The following GPC5 variants were observed in gnomAD, a reference collection of about 807,000 sequenced individuals.
The protein encoded by GPC5 is glypican 5.
A neutral mutation model predicts 53.9 loss-of-function variants in GPC5; 47 were observed. The ratio of observed to expected loss-of-function variants is 0.87; its 90% CI spans 0.69 to 1.11. GPC5 has a LOEUF of 1.11. Ranked by LOEUF, GPC5 falls within the 50% of genes most tolerant of loss-of-function variation. GPC5 has a pLI of 0.00. For synonymous variants in GPC5, 286 were observed against 263.3 expected, an observed-to-expected ratio of 1.09 and a Z score of -0.84; for missense variants, 748 against 713.1, an observed-to-expected ratio of 1.05 and a Z score of -0.56.
chr13:91,402,732 A>T (rs545871213), intron 1 of GPC5, among the ~76,000 whole-genome samples: 1 of 152,284 alleles, frequency 6.6e-6, no homozygotes, highest in East Asian at 1.9e-4. Context: ...TCTTGATTTT[A>T]ACTTGATTTT....
intron 2 of GPC5, among the ~76,000 whole-genome samples, chr13:91,548,411 G>A (rs9589287): frequency 1.3e-5 from 2 of 152,086 alleles, no homozygotes; most frequent in Non-Finnish European, 2.9e-5. Context: ...AACAAAATAT[G>A]TACAGCTCTA....
chr13:92,205,127 C>G (rs1254310117), intron 7 of GPC5, among the ~76,000 whole-genome samples: 1 of 152,186 alleles, frequency 6.6e-6, no homozygotes, highest in Non-Finnish European at 1.5e-5. Context: ...ATCCGCCCAC[C>G]TCGGCCTCCC....
chr13:92,203,756 A>G (rs2139064213), intron 7 of GPC5, among the ~76,000 whole-genome samples: 1 of 30,300 alleles, frequency 3.3e-5, no homozygotes, highest in African/African-American at 1.3e-4. Context: ...ACTTACTAGG[A>G]AAAAAAAAAA....
chr13:92,254,976 C>T (rs532364929), intron 7 of GPC5, among the ~76,000 whole-genome samples: 6 of 151,966 alleles, frequency 3.9e-5, no homozygotes, highest in African/African-American at 9.7e-5. Flanking sequence ...CAAAAAAGAC[C>T]CCAAAATAAT....
At chr13:92,429,427 C>T (rs895698421) in intron 7 of GPC5, among the ~76,000 whole-genome samples, 2 of 151,670 alleles carry the variant, frequency 1.3e-5, no homozygotes, top group South Asian at 2.1e-4. Context: ...ACTTAATATA[C>T]TAATTTAAAA....
intron 7 of GPC5, among the ~76,000 whole-genome samples, chr13:92,218,136 C>T (rs1045895237): frequency 2.6e-5 from 4 of 151,832 alleles, no homozygotes; most frequent in Non-Finnish European, 5.9e-5. Context: ...CTATGTTGCC[C>T]AGGTTGGTCT....
intron 7 of GPC5, among the ~76,000 whole-genome samples, chr13:92,498,412 G>A (rs984855133): frequency 3.9e-5 from 6 of 152,218 alleles, no homozygotes; most frequent in Non-Finnish European, 8.8e-5. Flanking sequence ...TCATATACCA[G>A]TTAAATGCTG....
chr13:92,838,061 A>G (rs1878278447), intron 7 of GPC5, among the ~76,000 whole-genome samples: 1 of 149,290 alleles, frequency 6.7e-6, no homozygotes, highest in South Asian at 2.1e-4. Flanking sequence ...CTGGGCAACA[A>G]GAGCAAAACT....
intron 7 of GPC5, among the ~76,000 whole-genome samples, chr13:92,540,183 T>A (rs947193638): frequency 6.6e-6 from 1 of 151,996 alleles, no homozygotes; most frequent in African/African-American, 2.4e-5. Context: ...TATCTGTTCA[T>A]CAATATGAAA....
intron 7 of GPC5, among the ~76,000 whole-genome samples, chr13:92,499,913 T>A (rs2138929771): frequency 6.6e-6 from 1 of 152,270 alleles, no homozygotes; most frequent in South Asian, 2.1e-4. Flanking sequence ...GATTTTCAGT[T>A]TGGGATAAAA....
rs1232055602 is a variant in GPC5, at chr13:91,734,092, G to T, written c.1154+5427G>T. ...CTGCATCTGTTGAGATGATCATGTGGTTTTTGTCATAGGTTCTTTTATGTG... is the reference window on the plus strand; with the variant it reads ...CTGCATCTGTTGAGATGATCATGTGTTTTTTGTCATAGGTTCTTTTATGTG... On this transcript the variant is annotated intron_variant, in intron 4 of 7. Coordinates refer to ENST00000377067, the MANE Select transcript of GPC5 (RefSeq NM_004466.6). Among the ~76,000 whole-genome samples the T allele has an allele frequency of 1.4e-5, 2 of 146,382 alleles. 1 individual carries two copies. Among genetic ancestry groups the T allele is most frequent in the African/African-American group, 5.5e-5 (2 of 36,042 alleles).
chr13:91,803,017 T>C lies in GPC5; in HGVS notation c.1280+46597T>C, dbSNP rs532476417. 2.4e-4 allele frequency among the ~76,000 whole-genome samples: 37 copies of C among 152,292 alleles called. No individual in the cohort carries two copies. The South Asian group carries it at 3.1e-3, about 13-fold the overall frequency. On this transcript the variant is annotated intron_variant, in intron 5 of 7. Transcript: ENST00000377067. Reference sequence around the variant, plus strand: ...AATAGATGATGGTGTTTTTTGCTTCTTTCTTACCAAGTAGATGTTTTAAAA... The same window carrying C: ...AATAGATGATGGTGTTTTTTGCTTCCTTCTTACCAAGTAGATGTTTTAAAA...
chr13:92,213,641 C>CTTTTTGACATTCCAAATGT (rs1254138101), intron 7 of GPC5, among the ~76,000 whole-genome samples: 28 of 152,148 alleles, frequency 1.8e-4, no homozygotes, highest in African/African-American at 6.8e-4. Flanking sequence ...AGTTAATAAT[C>CTTTTTGACATTCCAAATGT]TGTGACATTC....
intron 7 of GPC5, among the ~76,000 whole-genome samples, chr13:92,414,828 T>C (rs1419737138): frequency 6.6e-6 from 1 of 152,170 alleles, no homozygotes; most frequent in Non-Finnish European, 1.5e-5. Flanking sequence ...TCCACCTTGG[T>C]GGAATGGGTG....
intron 6 of GPC5, among the ~76,000 whole-genome samples, chr13:92,043,874 C>T (rs1214355289): frequency 6.6e-6 from 1 of 152,158 alleles, no homozygotes; most frequent in African/African-American, 2.4e-5. Context: ...TAGCTGACAG[C>T]AGTAGTTTCC....
At chr13:92,524,798 A>G (rs932486494) in intron 7 of GPC5, among the ~76,000 whole-genome samples, 1 of 152,116 alleles carries the variant, frequency 6.6e-6, no homozygotes, top group African/African-American at 2.4e-5. Flanking sequence ...GACATCATTA[A>G]CAGTCACATC....
intron 7 of GPC5, among the ~76,000 whole-genome samples, chr13:92,648,890 A>C (rs1230353100): frequency 6.6e-6 from 1 of 152,122 alleles, no homozygotes; most frequent in Non-Finnish European, 1.5e-5. Context: ...ACAGCATTAC[A>C]TGTGAGCTTC....
chr13:92,323,036 AT>A (rs1384652125), intron 7 of GPC5, among the ~76,000 whole-genome samples: 1 of 151,822 alleles, frequency 6.6e-6, no homozygotes, highest in African/African-American at 2.4e-5. Context: ...TTCCCAAAAA[AT>A]ATATAATACT....
At chr13:91,820,200 C>T (rs1379995486) in intron 5 of GPC5, among the ~76,000 whole-genome samples, 4 of 151,866 alleles carry the variant, frequency 2.6e-5, no homozygotes, top group Non-Finnish European at 4.4e-5. Context: ...GTACCATTTT[C>T]GTGGTGTCTG....
Sources: allele counts gnomAD v4.1 joint callset (sites outside exome capture counted in the v4.1 genomes callset), GRCh38; gene constraint gnomAD v4.1.1; transcripts MANE v1.5; gene names NCBI Gene and HGNC (gene_info 2026-07-23, HGNC 2026-07-21).